The following B4GALNT4 variants were observed in gnomAD, a reference collection of about 807,000 sequenced individuals.
B4GALNT4 encodes N-acetyl-beta-glucosaminyl-glycoprotein 4-beta-N-acetylgalactosaminyltransferase 1.
A neutral mutation model predicts 110.0 loss-of-function variants in B4GALNT4; 77 were observed. The ratio of observed to expected loss-of-function variants is 0.70; its 90% CI spans 0.58 to 0.85. B4GALNT4 has a LOEUF of 0.85. B4GALNT4 is among the 40% of genes least tolerant of loss of function. The pLI, the probability that B4GALNT4 is intolerant of heterozygous loss-of-function variation, is 0.00. For missense variants in B4GALNT4, 1,575 were observed against 1,506.0 expected, an observed-to-expected ratio of 1.05 and a Z score of -0.76; for synonymous variants, 785 against 655.5, an observed-to-expected ratio of 1.20 and a Z score of -3.02.
chr11:374,189 C>T (rs1243658494), intron 8 of B4GALNT4, among the ~76,000 whole-genome samples: 2 of 152,064 alleles, frequency 1.3e-5, no homozygotes, highest in Non-Finnish European at 2.9e-5. Context: ...TCAGGCGGGG[C>T]CTGAGCAGCA....
At chr11:370,979 C>T (rs1043561986) in intron 1 of B4GALNT4, among the ~76,000 whole-genome samples, 3 of 152,162 alleles carry the variant, frequency 2.0e-5, no homozygotes, top group Admixed American at 6.5e-5. Context: ...CTGCTGAATC[C>T]CTAAAAAGCC....
At position 376,378 on chromosome 11, in the gene B4GALNT4, G is replaced by T. The variant is rs1178374043; in HGVS notation, c.1297+27G>T. ...TGAGTGTCCGCAGCGCCCCTGGCCCGCACCCACCTGCGCAGGGAGCTTCTA... is the reference window on the plus strand; with the variant it reads ...TGAGTGTCCGCAGCGCCCCTGGCCCTCACCCACCTGCGCAGGGAGCTTCTA... On this transcript the variant is annotated intron_variant, in intron 13 of 19. Coordinates refer to ENST00000329962, the MANE Select transcript of B4GALNT4 (RefSeq NM_178537.5). The T allele has an allele frequency of 3.7e-6, 6 of 1,603,076 alleles. No individual in the cohort carries two copies. In the African/African-American group the frequency reaches 4.0e-5, roughly 11 times the overall value.
chr11:373,900 G>A, intron 8 of B4GALNT4, 72 bp downstream of exon 8: 6 of 1,481,044 alleles, frequency 4.1e-6, no homozygotes, highest in Non-Finnish European at 5.6e-6. Context: ...CAACCGCAAT[G>A]GGGTCCCCGT....
chr11:378,311 C>G (rs1352883736), intron 14 of B4GALNT4, among the ~76,000 whole-genome samples: 1 of 152,120 alleles, frequency 6.6e-6, no homozygotes, highest in Non-Finnish European at 1.5e-5. Context: ...TGGTGACTGA[C>G]AGCCTGGAGC....
chr11:378,964 G>T (rs1451586413), intron 14 of B4GALNT4, among the ~76,000 whole-genome samples: 5 of 152,162 alleles, frequency 3.3e-5, no homozygotes, highest in Admixed American at 1.3e-4. Flanking sequence ...CAGTGGCTGT[G>T]CCTGAGGAGG....
chr11:380,258 G>A (rs1299145995), intron 17 of B4GALNT4, 34 bp from the exon 18 acceptor site: 6 of 1,609,536 alleles, frequency 3.7e-6, no homozygotes, highest in African/African-American at 1.3e-5. Context: ...GGGGAGGAGC[G>A]GAGGGCGGGG....
chr11:369,589 G>A lies in B4GALNT4; in HGVS notation c.-215G>A, dbSNP rs920477641. On this transcript the variant is annotated 5_prime_UTR_variant, in exon 1 of 20. Transcript: ENST00000329962. ...GCGGCCGGGCGGGGGGCACCGCGAG[G>A]AGCCGCCCCCGCCGCCCACCCCGGG... 1.8e-4 allele frequency among the ~76,000 whole-genome samples: 26 copies of A among 143,390 alleles called. No individual in the cohort carries two copies. The highest frequency in any genetic ancestry group is 3.5e-4 in the Non-Finnish European group (23 of 64,850). 94.1% of individuals were successfully genotyped at this position (143,390 alleles called of 152,430 possible). A position where few individuals can be genotyped will look rare whatever the true frequency, so the allele number is the denominator to read the frequency against.
Position 375,706 on chromosome 11 carries a change from G to A in B4GALNT4, c.918G>A (p.Gly306=). The change falls in exon 10 of 20, where the codon GGG becomes GGA. Residue 306 remains glycine, a synonymous_variant. Transcript: ENST00000329962. ...VPQSPASHVG[G]RPPQEETSAD... ...AGTCTCCAGCCAGCCACGTGGGGGGGCGTCCGCCGCAGGAGGAGACCAGCG... is the reference window on the plus strand; with the variant it reads ...AGTCTCCAGCCAGCCACGTGGGGGGACGTCCGCCGCAGGAGGAGACCAGCG... The A allele has an allele frequency of 2.5e-6, 4 of 1,594,258 alleles. No individual in the cohort carries two copies. Among genetic ancestry groups the A allele is most frequent in the Non-Finnish European group, 3.4e-6 (4 of 1,174,856 alleles).
chr11:370,015 C>G (rs895824297), intron 1 of B4GALNT4, 61 bp downstream of exon 1: 1 of 81,966 alleles, frequency 1.2e-5, no homozygotes, highest in African/African-American at 4.9e-5. Context: ...GCGCGGGGGG[C>G]GCGGGCGGCG....
chr11:376,257 G>T lies in B4GALNT4; in HGVS notation c.1203G>T (p.Gly401=), dbSNP rs1388507206. The change falls in exon 13 of 20, where the codon GGG becomes GGT. Residue 401 remains glycine (G), a synonymous_variant. Transcript: ENST00000329962. ...ATGCCCCGCCGCGCCCCAGGTTTGGGTTCTATAAATACATGAAGATGGACA... is the reference window on the plus strand; with the variant it reads ...ATGCCCCGCCGCGCCCCAGGTTTGGTTTCTATAAATACATGAAGATGGACA... ...RESPLYLERF[G]FYKYMKMDKE... The T allele has an allele frequency of 1.2e-6, 2 of 1,609,354 alleles. No homozygotes were observed. The highest frequency in any genetic ancestry group is 1.7e-6 in the Non-Finnish European group (2 of 1,177,902).
At chr11:374,118 G>A (rs1004418884) in intron 8 of B4GALNT4, among the ~76,000 whole-genome samples, 5 of 152,052 alleles carry the variant, frequency 3.3e-5, no homozygotes, top group Non-Finnish European at 4.4e-5. Context: ...CAAGAACAGC[G>A]AAGGAACAGA....
Position 377,138 on chromosome 11 carries a change from T to G in B4GALNT4, c.2015T>G (p.Leu672Arg), listed in dbSNP as rs1846774338. ...EDSEEAAGPA[L>R]GRWREDAIDW... ...AGCGAGGAGGCCGCGGGCCCGGCGC[T>G]CGGACGCTGGCGTGAGGACGCCATC... Residue 672 changes from leucine to arginine, a missense_variant, in exon 14 of 20, where the codon CTC (leucine) becomes CGC (arginine). Physicochemically the swap from Leu to Arg is moderately radical, Grantham distance 102. Transcript: ENST00000329962. 1 of 1,521,316 alleles carries G rather than the reference T, an allele frequency of 6.6e-7. No homozygotes were observed. The highest frequency in any genetic ancestry group is 1.2e-5 in the South Asian group (1 of 80,940). 94.2% of individuals were successfully genotyped at this position (1,521,316 alleles called of 1,614,324 possible).
In B4GALNT4 at chr11:380,825, G is replaced by A. The variant is rs1485414805; in HGVS notation, c.2870G>A (p.Gly957Asp). 1.2e-6 allele frequency: 2 copies of A among 1,613,748 alleles called. No individual in the cohort carries two copies. Among genetic ancestry groups the A allele is most frequent in the Non-Finnish European group, 1.7e-6 (2 of 1,179,904 alleles). The part of the protein sequence containing the change: ...SCGSSPRDPH[G>D]YWEVNGFGLF... ...AGCACCCCTCACCCTCCCGCCCCAG[G>A]TTACTGGGAGGTGAACGGCTTTGGC... Residue 957 changes from glycine (G) to aspartate (D), a missense_variant and splice_region_variant, in exon 19 of 20, where the codon GGT becomes GAT. By Grantham distance (94) the Gly-to-Asp change is moderately conservative. Coordinates refer to ENST00000329962, the MANE Select transcript of B4GALNT4 (RefSeq NM_178537.5).
chr11:376,625 C>A lies in B4GALNT4; in HGVS notation c.1502C>A (p.Ala501Asp). The A allele has an allele frequency of 7.1e-7, 1 of 1,412,784 alleles. No individual in the cohort carries two copies. Among genetic ancestry groups the A allele is most frequent in the African/African-American group, 1.5e-5 (1 of 66,148 alleles). 87.5% of individuals were successfully genotyped at this position (1,412,784 alleles called of 1,614,324 possible). ...GCCCTGAGCTGGGCCGCCAGGGCCG[C>A]CCGCCCTTTGCCGCTCTTCTTGGGC... Reference protein sequence around the residue: ...SRALSWAARAARPLPLFLGRA... With the variant: ...SRALSWAARADRPLPLFLGRA... The change falls in exon 14 of 20, where the codon GCC (alanine) becomes GAC (aspartate). Residue 501 changes from alanine (A) to aspartate (D), a missense_variant. Physicochemically the swap from Ala to Asp is moderately radical, Grantham distance 126. Transcript: ENST00000329962.
chr11:372,518 C>A, intron 2 of B4GALNT4, 144 bp from the exon 3 acceptor site: 1 of 780,412 alleles, frequency 1.3e-6, no homozygotes, highest in South Asian at 1.5e-5. Flanking sequence ...TGCCACAGGT[C>A]AGGGTTTGCA....
rs992428281 is a variant in B4GALNT4 at position 375,729 on chromosome 11, G to C, written c.941G>C (p.Ser314Thr). The C allele has an allele frequency of 1.1e-5, 18 of 1,596,504 alleles. No homozygotes were observed. The highest frequency in any genetic ancestry group is 1.5e-5 in the Non-Finnish European group (18 of 1,175,712). Residue 314 changes from serine (S) to threonine (T), a missense_variant, in exon 10 of 20, where the codon AGC (serine) becomes ACC (threonine). Transcript: ENST00000329962. ...GGGCGTCCGCCGCAGGAGGAGACCA[G>C]CGCAGACATGCTGCGGCCAGATCCC... ...VGGRPPQEET[S>T]ADMLRPDPRD... is the part of the protein sequence containing the mutation.
chr11:379,389 C>T (rs1455717482), intron 14 of B4GALNT4, 29 bp from the exon 15 acceptor site: 2 of 1,461,058 alleles, frequency 1.4e-6, no homozygotes, highest in African/African-American at 1.5e-5. Context: ...CTGGAAGCCC[C>T]AGTACCGGCT....
chr11:369,735 G>A lies in B4GALNT4; in HGVS notation c.-69G>A. ...GCGGGGCGGGCCGGGGATGCGGCGC[G>A]GGGCGGGCGGGGGCCGGGGGCTGCA... On this transcript the variant is annotated 5_prime_UTR_variant, in exon 1 of 20. Transcript: ENST00000329962. The A allele has an allele frequency of 1.2e-6, 1 of 808,330 alleles. No individual in the cohort carries two copies. The highest frequency in any genetic ancestry group is 1.5e-6 in the Non-Finnish European group (1 of 671,822). The allele number at this position is 808,330 out of a possible 1,614,324, so 50.1% of individuals were successfully genotyped here. A position where few individuals can be genotyped will look rare whatever the true frequency, so the allele number is the denominator to read the frequency against.
chr11:373,333 A>G (rs1846655169), intron 6 of B4GALNT4, 42 bp downstream of exon 6: 2 of 1,586,460 alleles, frequency 1.3e-6, no homozygotes, highest in Admixed American at 3.4e-5. Context: ...GGCCTCCTGC[A>G]GCTCAGTCAC....
Sources: gnomAD v4.1 joint callset for allele counts (sites outside exome capture counted in the v4.1 genomes callset) on GRCh38, gnomAD v4.1.1 for gene constraint, MANE v1.5 for transcripts, NCBI Gene and HGNC (gene_info 2026-07-23, HGNC 2026-07-21) for gene names.